The following NOX4 variants were observed in gnomAD, a reference collection of about 807,000 sequenced individuals.
The protein encoded by NOX4 is NADPH oxidase 4.
NOX4 carries 69 observed loss-of-function variants against 87.6 expected under a neutral mutation model. The observed-to-expected ratio is 0.79, with a 90% CI of 0.65 to 0.96. NOX4 has a LOEUF of 0.96. Among genes scored for constraint, NOX4 ranks in the 40% least tolerant of loss-of-function variants. The pLI is 0.00. For synonymous variants in NOX4, 275 were observed against 238.2 expected (o/e 1.15, Z -1.42); for missense variants, 680 against 681.5 (o/e 1.00, Z 0.02).
At chr11:89,430,029 G>C (rs1943693653) in intron 7 of NOX4, among the ~76,000 whole-genome samples, 1 of 152,152 alleles carries the variant, frequency 6.6e-6, no homozygotes, top group Admixed American at 6.5e-5. Context: ...CTTCATCCCT[G>C]GGATGCAAAG....
the NOX4 span, among the ~76,000 whole-genome samples, chr11:89,512,110 A>G: frequency 1.3e-5 from 2 of 152,052 alleles, no homozygotes; most frequent in Non-Finnish European, 2.9e-5. Context: ...CAATACATTA[A>G]TCTTTTTTAA....
chr11:89,526,654 G>T, the NOX4 span, among the ~76,000 whole-genome samples: 1,935 of 152,182 alleles, frequency 0.013, 39 homozygotes, highest in African/African-American at 0.044. Context: ...GGTTTTTTAA[G>T]GGGCTCTTCC....
chr11:89,341,784 G>A (rs772626433), intron 14 of NOX4, among the ~76,000 whole-genome samples: 2 of 152,052 alleles, frequency 1.3e-5, no homozygotes, highest in African/African-American at 2.4e-5. Flanking sequence ...ACCACTTACC[G>A]CTGATGAGGA....
At chr11:89,422,072 C>T in intron 7 of NOX4, 90 bp from the exon 8 acceptor site, 3 of 684,588 alleles carry the variant, frequency 4.4e-6, no homozygotes, top group Non-Finnish European at 7.2e-6. Flanking sequence ...TCAAACATCT[C>T]ACAATTTAAA....
chr11:89,552,010 A>T, the NOX4 span, among the ~76,000 whole-genome samples: 1 of 152,114 alleles, frequency 6.6e-6, no homozygotes, highest in African/African-American at 2.4e-5. Flanking sequence ...CATATATACA[A>T]TCACTATAAA....
intron 6 of NOX4, among the ~76,000 whole-genome samples, chr11:89,435,548 T>C (rs1170784685): frequency 6.6e-6 from 1 of 152,084 alleles, no homozygotes; most frequent in Non-Finnish European, 1.5e-5. Context: ...TATAAAAGTC[T>C]CTGAGAAGTA....
At chr11:89,422,235 G>T (rs1943121395) in intron 7 of NOX4, among the ~76,000 whole-genome samples, 1 of 152,044 alleles carries the variant, frequency 6.6e-6, no homozygotes, top group African/African-American at 2.4e-5. Context: ...ATAAAAATAA[G>T]TTGTTTATTT....
the NOX4 span, among the ~76,000 whole-genome samples, chr11:89,531,773 C>T: frequency 6.6e-6 from 1 of 152,240 alleles, no homozygotes; most frequent in African/African-American, 2.4e-5. Context: ...AGCAGCCCCT[C>T]CCATCACAGG....
At chr11:89,464,668 T>C (rs958618209) in intron 2 of NOX4, among the ~76,000 whole-genome samples, 4 of 152,208 alleles carry the variant, frequency 2.6e-5, no homozygotes, top group Admixed American at 6.5e-5. Flanking sequence ...AGTTTTTTAA[T>C]TTAATCAGGT....
At chr11:89,402,266 G>C in intron 9 of NOX4, 60 bp downstream of exon 9, 1 of 1,210,880 alleles carries the variant, frequency 8.3e-7, no homozygotes, top group South Asian at 1.2e-5. Context: ...ATTTATATGT[G>C]ATGTTGATCA....
the NOX4 span, among the ~76,000 whole-genome samples, chr11:89,586,350 T>A: frequency 6.6e-6 from 1 of 152,200 alleles, no homozygotes; most frequent in Non-Finnish European, 1.5e-5. Flanking sequence ...ACATGCATTA[T>A]ATAATGTTAG....
chr11:89,544,032 T>G, the NOX4 span, among the ~76,000 whole-genome samples: 1 of 152,090 alleles, frequency 6.6e-6, no homozygotes, highest in Non-Finnish European at 1.5e-5. Flanking sequence ...AAATATATTA[T>G]TCTGAAAAAA....
intron 11 of NOX4, among the ~76,000 whole-genome samples, chr11:89,379,852 A>T (rs1453193891): frequency 6.6e-6 from 1 of 152,148 alleles, no homozygotes; most frequent in Non-Finnish European, 1.5e-5. Flanking sequence ...TCATCATCAT[A>T]CTTCGACTAG....
the NOX4 span, among the ~76,000 whole-genome samples, chr11:89,561,759 G>A: frequency 2.1e-4 from 32 of 152,202 alleles, no homozygotes; most frequent in African/African-American, 7.0e-4. Context: ...TTCCTTTCTC[G>A]TGGGGGAGGC....
chr11:89,564,335 C>T, the NOX4 span, among the ~76,000 whole-genome samples: 2 of 152,200 alleles, frequency 1.3e-5, no homozygotes, highest in Non-Finnish European at 2.9e-5. Flanking sequence ...GCAGGCATGT[C>T]TTACATGACA....
At chr11:89,451,957 C>G (rs1944982420) in intron 2 of NOX4, 62 bp from the exon 3 acceptor site, 14 of 1,103,498 alleles carry the variant, frequency 1.3e-5, no homozygotes, top group Non-Finnish European at 1.9e-5. Context: ...TGTCCTGGCT[C>G]TAGAAGCTAG....
the NOX4 span, among the ~76,000 whole-genome samples, chr11:89,514,506 C>T: frequency 6.6e-6 from 1 of 151,826 alleles, no homozygotes; most frequent in Non-Finnish European, 1.5e-5. Context: ...ATCTTCATAA[C>T]TAGTTTTTCT....
upstream of NOX4, chr11:89,498,212 GTTGT>G (rs1565359483): frequency 6.6e-6 from 1 of 152,126 alleles, no homozygotes; most frequent in African/African-American, 2.4e-5. Context: ...AGTTTATGTT[GTTGT>G]TTAATGTATT....
At chr11:89,364,340 T>G (rs1008084942) in intron 12 of NOX4, among the ~76,000 whole-genome samples, 8 of 152,078 alleles carry the variant, frequency 5.3e-5, no homozygotes. Flanking sequence ...CTATATATAT[T>G]ACATATGTAG....
Sources: gnomAD v4.1 joint callset for allele counts (sites outside exome capture counted in the v4.1 genomes callset) on GRCh38, gnomAD v4.1.1 for gene constraint, MANE v1.5 for transcripts, NCBI Gene and HGNC (gene_info 2026-07-23, HGNC 2026-07-21) for gene names.